Variants in FAM53B observed in about 807,000 individuals in gnomAD.
FAM53B encodes family with sequence similarity 53 member B.
FAM53B carries 12 observed loss-of-function variants against 32.7 expected under a neutral mutation model. That is an observed-to-expected ratio of 0.37 (90% CI 0.24 to 0.59). The LOEUF (loss-of-function observed/expected upper bound fraction) is 0.59, where lower values mean the gene tolerates loss of function less well. FAM53B is among the 20% of genes least tolerant of loss of function. FAM53B has a pLI of 0.72. For missense variants in FAM53B, 477 were observed against 577.7 expected (o/e 0.83, Z 1.79); for synonymous variants, 234 against 228.7 (o/e 1.02, Z -0.21).
At chr10:124,741,402 T>G (rs757640121) in intron 1 of FAM53B, among the ~76,000 whole-genome samples, 1 of 152,238 alleles carries the variant, frequency 6.6e-6, no homozygotes, top group African/African-American at 2.4e-5. Context: ...GAACTCAGTC[T>G]TCAGGGCCCA....
At chr10:124,742,620 C>A (rs1157835212) in intron 1 of FAM53B, 2 of 152,314 alleles carry the variant, frequency 1.3e-5, no homozygotes, top group African/African-American at 4.8e-5. Flanking sequence ...GCTTCCCAGG[C>A]CAATAAACAA....
chr10:124,696,269 T>C, intron 2 of FAM53B, 57 bp from the exon 3 acceptor site: 1 of 1,381,572 alleles, frequency 7.2e-7, no homozygotes, highest in Non-Finnish European at 1.0e-6. Flanking sequence ...ATGTTTGCAC[T>C]GACTCTACTG....
chr10:124,657,809 G>A (rs1255663913), intron 4 of FAM53B, among the ~76,000 whole-genome samples: 2 of 152,244 alleles, frequency 1.3e-5, no homozygotes, highest in South Asian at 2.1e-4. Flanking sequence ...CCCATTTTAC[G>A]AATGAGGAAA....
chr10:124,683,312 T>C (rs1165169418), intron 3 of FAM53B, among the ~76,000 whole-genome samples: 1 of 152,222 alleles, frequency 6.6e-6, no homozygotes, highest in Non-Finnish European at 1.5e-5. Context: ...AGTTCTTGTA[T>C]TCAAGTTTAC....
At chr10:124,704,418 T>G (rs1396503212) in intron 2 of FAM53B, 1 of 152,204 alleles carries the variant, frequency 6.6e-6, no homozygotes, top group East Asian at 1.9e-4. Flanking sequence ...TTAAAAGTGC[T>G]AAGTGCCCAA....
chr10:124,669,139 A>G (rs1949691732), intron 4 of FAM53B, among the ~76,000 whole-genome samples: 1 of 152,238 alleles, frequency 6.6e-6, no homozygotes, highest in African/African-American at 2.4e-5. Flanking sequence ...GGTCTTCAGC[A>G]AAGTCACCAA....
At chr10:124,694,933 C>T (rs1359084976) in intron 3 of FAM53B, among the ~76,000 whole-genome samples, 1 of 152,166 alleles carries the variant, frequency 6.6e-6, no homozygotes, top group Non-Finnish European at 1.5e-5. Context: ...AGTCCAACTC[C>T]GCTTACTGAG....
intron 4 of FAM53B, among the ~76,000 whole-genome samples, chr10:124,678,362 T>C (rs751514): frequency 0.68 from 103,590 of 152,176 alleles, 38,949 homozygotes; most frequent in Non-Finnish European, 0.83. Flanking sequence ...CATACACATA[T>C]ATAAACACAC....
At chr10:124,727,279 A>C (rs1950110604) in intron 1 of FAM53B, among the ~76,000 whole-genome samples, 2 of 129,212 alleles carry the variant, frequency 1.5e-5, no homozygotes, top group Admixed American at 9.1e-5. Context: ...CAGCCTCAGG[A>C]AGGCACTTGT....
intron 4 of FAM53B, among the ~76,000 whole-genome samples, chr10:124,671,935 G>A (rs775351033): frequency 1.3e-5 from 2 of 152,238 alleles, no homozygotes; most frequent in African/African-American, 4.8e-5. Context: ...CATGGGGACT[G>A]CAGCAAAGGG....
chr10:124,676,124 G>A (rs1378398489), intron 4 of FAM53B, among the ~76,000 whole-genome samples: 1 of 152,186 alleles, frequency 6.6e-6, no homozygotes, highest in Non-Finnish European at 1.5e-5. Context: ...CTTTGTTCAA[G>A]CCTATCCTAA....
chr10:124,656,362 A>G (rs1949589436), intron 4 of FAM53B, among the ~76,000 whole-genome samples: 1 of 152,266 alleles, frequency 6.6e-6, no homozygotes, highest in Non-Finnish European at 1.5e-5. Context: ...GTGGGAGCGC[A>G]GGTGTTCCCC....
At chr10:124,626,239 C>T (rs759130823) in intron 4 of FAM53B, among the ~76,000 whole-genome samples, 38 of 152,254 alleles carry the variant, frequency 2.5e-4, no homozygotes, top group Non-Finnish European at 4.7e-4. Flanking sequence ...CGCCGCACAG[C>T]GCTTGTCTGT....
chr10:124,731,206 G>A (rs1950140312), intron 1 of FAM53B, among the ~76,000 whole-genome samples: 2 of 152,236 alleles, frequency 1.3e-5, no homozygotes, highest in Non-Finnish European at 2.9e-5. Context: ...GAAGCCTAAC[G>A]CACAGTGGCA....
intron 1 of FAM53B, among the ~76,000 whole-genome samples, chr10:124,728,860 T>C (rs1250429638): frequency 6.6e-6 from 1 of 152,202 alleles, no homozygotes; most frequent in Non-Finnish European, 1.5e-5. Context: ...GATTTCTCTT[T>C]GAAACAGCAA....
At chr10:124,678,382 G>T (rs1471259027) in intron 4 of FAM53B, among the ~76,000 whole-genome samples, 1 of 152,182 alleles carries the variant, frequency 6.6e-6, no homozygotes, top group Admixed American at 6.5e-5. Context: ...CACCCATATG[G>T]ATAGTGCATT....
At chr10:124,729,365 A>G (rs1247172900) in intron 1 of FAM53B, among the ~76,000 whole-genome samples, 1 of 152,202 alleles carries the variant, frequency 6.6e-6, no homozygotes, top group Non-Finnish European at 1.5e-5. Flanking sequence ...CTGGCCTTTC[A>G]AGGCTATTCT....
chr10:124,696,256 A>G, intron 2 of FAM53B, 44 bp from the exon 3 acceptor site: 2 of 1,557,340 alleles, frequency 1.3e-6, no homozygotes, highest in South Asian at 2.2e-5. Context: ...AATCATAGGA[A>G]GCATGTTTGC....
At chr10:124,681,075 G>A (rs1949767624) in intron 4 of FAM53B, among the ~76,000 whole-genome samples, 1 of 152,218 alleles carries the variant, frequency 6.6e-6, no homozygotes, top group South Asian at 2.1e-4. Flanking sequence ...TGATTGCAGA[G>A]GCAGCTCAGA....
Sources: allele counts gnomAD v4.1 joint callset (sites outside exome capture counted in the v4.1 genomes callset), GRCh38; gene constraint gnomAD v4.1.1; transcripts MANE v1.5; gene names NCBI Gene and HGNC (gene_info 2026-07-23, HGNC 2026-07-21).